The following ZFAT variants were observed in gnomAD, a reference collection of about 807,000 sequenced individuals.
ZFAT encodes zinc finger protein ZFAT.
Under a neutral mutation model 117.7 loss-of-function variants are expected in ZFAT, and 64 were observed. The observed-to-expected ratio is 0.54, with a 90% CI of 0.44 to 0.67. The LOEUF is 0.67. Ranked by LOEUF, ZFAT falls within the 30% of genes least tolerant of loss-of-function variation. The pLI is 0.00. For synonymous variants in ZFAT, 679 were observed against 615.0 expected, an observed-to-expected ratio of 1.10 and a Z score of -1.54; for missense variants, 1,433 against 1,584.5, an observed-to-expected ratio of 0.90 and a Z score of 1.62.
chr8:134,764,561 G>T, the ZFAT span, among the ~76,000 whole-genome samples: 41 of 152,308 alleles, frequency 2.7e-4, no homozygotes, highest in Non-Finnish European at 4.4e-4. Flanking sequence ...AACTTTCACA[G>T]ATTTATTAGA....
At chr8:134,759,345 C>T in the ZFAT span, among the ~76,000 whole-genome samples, 1 of 152,164 alleles carries the variant, frequency 6.6e-6, no homozygotes, top group Non-Finnish European at 1.5e-5. Flanking sequence ...CCTACTGAGC[C>T]AGGTAGATTT....
chr8:134,544,455 TA>T (rs200618967), intron 11 of ZFAT, among the ~76,000 whole-genome samples: 20 of 151,182 alleles, frequency 1.3e-4, no homozygotes, highest in African/African-American at 4.6e-4. Context: ...AATTTTTTTT[TA>T]AAAAAATTAA....
At chr8:134,768,094 C>T in the ZFAT span, among the ~76,000 whole-genome samples, 1 of 152,156 alleles carries the variant, frequency 6.6e-6, no homozygotes, top group Admixed American at 6.5e-5. Context: ...TTTGGAGATA[C>T]TGTTTTTTGT....
intron 10 of ZFAT, among the ~76,000 whole-genome samples, chr8:134,568,854 A>G (rs893433975): frequency 1.3e-5 from 2 of 152,170 alleles, no homozygotes; most frequent in Non-Finnish European, 2.9e-5. Flanking sequence ...CTAATCATAA[A>G]AGAGCAATAC....
chr8:134,512,503 G>A lies in ZFAT; in HGVS notation c.3333C>T (p.Leu1111=). 6.2e-7 allele frequency: 1 copy of A among 1,614,000 alleles called. No individual in the cohort carries two copies. Among genetic ancestry groups the A allele is most frequent in the Non-Finnish European group, 8.5e-7 (1 of 1,179,882 alleles). Residue 1111 remains leucine (L), a synonymous_variant, in exon 14 of 16, where the codon CTC becomes CTT. Coordinates refer to ENST00000377838, the MANE Select transcript of ZFAT (RefSeq NM_020863.4). ...TCTCAGAGGTGTATCTCAGGTCCTGGAGCGCGGCCACCGCTGCCTGTGTCC... is the reference window on the plus strand; with the variant it reads ...TCTCAGAGGTGTATCTCAGGTCCTGAAGCGCGGCCACCGCTGCCTGTGTCC... ...VQGTQAAVAA[L]QDLRYTSESG...
chr8:134,832,077 G>T, the ZFAT span, among the ~76,000 whole-genome samples: 1 of 149,554 alleles, frequency 6.7e-6, no homozygotes, highest in Non-Finnish European at 1.5e-5. Flanking sequence ...CCCGAGGCGC[G>T]CCTGGAGCGG....
intron 3 of ZFAT, among the ~76,000 whole-genome samples, chr8:134,625,919 C>T (rs1829465387): frequency 6.6e-6 from 1 of 152,230 alleles, no homozygotes; most frequent in African/African-American, 2.4e-5. Flanking sequence ...GTGGACCCTC[C>T]ACACTGAAAA....
chr8:134,824,575 G>A, the ZFAT span, among the ~76,000 whole-genome samples: 1 of 152,278 alleles, frequency 6.6e-6, no homozygotes, highest in Admixed American at 6.5e-5. Context: ...CAAAATCACT[G>A]CTTTAGAAAG....
At chr8:134,804,628 T>C in the ZFAT span, among the ~76,000 whole-genome samples, 1 of 152,286 alleles carries the variant, frequency 6.6e-6, no homozygotes, top group Admixed American at 6.5e-5. Flanking sequence ...GAAACAGGAA[T>C]AGGCGGTGAC....
intron 11 of ZFAT, among the ~76,000 whole-genome samples, chr8:134,559,153 G>A (rs953127669): frequency 6.6e-6 from 1 of 152,110 alleles, no homozygotes; most frequent in African/African-American, 2.4e-5. Context: ...AATTGACATG[G>A]TTAAAATATA....
chr8:134,829,830 G>T, the ZFAT span, among the ~76,000 whole-genome samples: 1 of 151,992 alleles, frequency 6.6e-6, no homozygotes, highest in Non-Finnish European at 1.5e-5. Flanking sequence ...AAAATGAGTT[G>T]TTCACCTGTG....
Position 134,513,868 on chromosome 8 carries a change from T to G in ZFAT, c.3235-1267A>C, listed in dbSNP as rs1820045712. Among the ~76,000 whole-genome samples, 9 of 152,240 alleles carry G rather than the reference T, an allele frequency of 5.9e-5. No individual in the cohort carries two copies. In the South Asian group the frequency reaches 1.9e-3, roughly 32 times the overall value. On this transcript the variant is annotated intron_variant, in intron 13 of 15. Transcript: ENST00000377838. ...CAAGTCCATTTAGGTGTTTCCATCC[T>G]GACATATAGTAGTCACCCAAAAAAT...
chr8:134,705,500 A>C (rs2131363867), intron 1 of ZFAT, among the ~76,000 whole-genome samples: 1 of 151,572 alleles, frequency 6.6e-6, no homozygotes, highest in Non-Finnish European at 1.5e-5. Context: ...TGAAGGCATG[A>C]GCCACCACAC....
chr8:134,704,332 C>T, intron 1 of ZFAT, among the ~76,000 whole-genome samples: 1 of 152,176 alleles, frequency 6.6e-6, no homozygotes, highest in East Asian at 1.9e-4. Context: ...CCCAGGGCTG[C>T]ACGTAGGAAA....
chr8:134,487,387 C>T (rs1817731108), intron 15 of ZFAT, among the ~76,000 whole-genome samples: 1 of 152,048 alleles, frequency 6.6e-6, no homozygotes, highest in African/African-American at 2.4e-5. Flanking sequence ...TCATGGGGCC[C>T]TGTGAGGAAG....
intron 1 of ZFAT, among the ~76,000 whole-genome samples, chr8:134,708,022 ATGT>A (rs1347062045): frequency 2.0e-5 from 3 of 152,250 alleles, no homozygotes; most frequent in African/African-American, 4.8e-5. Flanking sequence ...TAAAAAAGAA[ATGT>A]TGTCGTTTGT....
chr8:134,630,488 T>G (rs895330696), intron 3 of ZFAT, among the ~76,000 whole-genome samples: 2 of 152,170 alleles, frequency 1.3e-5, no homozygotes, highest in African/African-American at 4.8e-5. Flanking sequence ...AAAATCATCA[T>G]GAAGATTACA....
chr8:134,797,001 G>GT, the ZFAT span: 1 of 152,066 alleles, frequency 6.6e-6, no homozygotes, highest in African/African-American at 2.4e-5. Flanking sequence ...CATTAAAAAA[G>GT]TTTAAGATTA....
At chr8:134,553,659 C>T (rs539238311) in intron 11 of ZFAT, among the ~76,000 whole-genome samples, 3 of 152,236 alleles carry the variant, frequency 2.0e-5, no homozygotes, top group South Asian at 2.1e-4. Context: ...TCAGGACAGT[C>T]CTGTGATGAA....
Sources: gnomAD v4.1 joint callset for allele counts (sites outside exome capture counted in the v4.1 genomes callset) on GRCh38, gnomAD v4.1.1 for gene constraint, MANE v1.5 for transcripts, NCBI Gene and HGNC (gene_info 2026-07-23, HGNC 2026-07-21) for gene names.